ZNF230: variants seen among roughly 807,000 people sequenced by gnomAD.
ZNF230 encodes zinc finger protein 230, also known as zinc finger protein FDZF2.
ZNF230 carries 12 observed loss-of-function variants against 10.0 expected under a neutral mutation model. The observed-to-expected ratio is 1.20, with a 90% CI of 0.77 to 1.95. The LOEUF (loss-of-function observed/expected upper bound fraction) is 1.95. ZNF230 is among the 30% of genes most tolerant of loss of function. ZNF230 has a pLI of 0.00. For missense variants in ZNF230, 532 were observed against 565.8 expected, an observed-to-expected ratio of 0.94 and a Z score of 0.61; for synonymous variants, 174 against 193.6, an observed-to-expected ratio of 0.90 and a Z score of 0.84.
chr19:44,004,305 T>C (rs1427546689), intron 1 of ZNF230: 2 of 152,276 alleles, frequency 1.3e-5, no homozygotes, highest in Non-Finnish European at 2.9e-5. Context: ...AAGCTTCTAA[T>C]TGATTTCTTT....
chr19:44,005,077 G>C (rs1163617327), intron 1 of ZNF230, among the ~76,000 whole-genome samples: 3 of 149,192 alleles, frequency 2.0e-5, no homozygotes, highest in Non-Finnish European at 4.5e-5. Context: ...GAGCGAGATC[G>C]CGCCACTGCA....
intron 4 of ZNF230, 96 bp from the exon 5 acceptor site, chr19:44,010,173 T>C: frequency 8.6e-7 from 1 of 1,164,584 alleles, no homozygotes; most frequent in Non-Finnish European, 1.2e-6. Flanking sequence ...AACTGAACAT[T>C]CATTAAAGTT....
At chr19:44,010,243 C>T (rs1275783093) in intron 4 of ZNF230, 26 bp from the exon 5 acceptor site, 2 of 1,562,330 alleles carry the variant, frequency 1.3e-6, no homozygotes, top group Non-Finnish European at 1.7e-6. Flanking sequence ...CATTTGTCCA[C>T]ATCTCTTCAT....
In ZNF230 at chr19:44,010,749, C is replaced by T. The variant is rs201833405; in HGVS notation, c.710C>T (p.Ala237Val). Residue 237 changes from alanine (A) to valine (V), a missense_variant, in exon 5 of 5, where the codon GCG (alanine) becomes GTG (valine). Ala to Val is a moderately conservative substitution (Grantham distance 64). Transcript: ENST00000429154. ...EQCGKGFRCR[A>V]ILQVHCKLHT... ...TGTGGGAAAGGCTTCAGATGTAGAGCGATACTTCAAGTTCACTGCAAATTA... is the reference window on the plus strand; with the variant it reads ...TGTGGGAAAGGCTTCAGATGTAGAGTGATACTTCAAGTTCACTGCAAATTA... 1.3e-4 allele frequency: 206 copies of T among 1,613,978 alleles called. 1 individual carries two copies. Among genetic ancestry groups the T allele is most frequent in the South Asian group, 6.6e-5 (6 of 91,088 alleles).
rs1568498294 is a variant in ZNF230, at chr19:44,011,356, A to C, written c.1317A>C (p.Gln439His). ...LVHRSFCKDQ[Q>H]GDHNGENSSK... is the part of the protein sequence containing the mutation. ...ACCGGTCTTTCTGTAAAGACCAACA[A>C]GGAGACCACAATGGAGAAAACTCAT... Residue 439 changes from glutamine to histidine, a missense_variant, in exon 5 of 5, where the codon CAA becomes CAC. Gln to His is a conservative substitution (Grantham distance 24). Coordinates refer to ENST00000429154, the MANE Select transcript of ZNF230 (RefSeq NM_006300.4). 1.9e-6 allele frequency: 3 copies of C among 1,613,966 alleles called. No individual in the cohort carries two copies. In the Admixed American group the frequency reaches 5.0e-5, roughly 27 times the overall value.
intron 2 of ZNF230, 77 bp from the exon 3 acceptor site, chr19:44,008,713 C>T (rs11880006): frequency 2.0e-6 from 3 of 1,537,408 alleles, no homozygotes; most frequent in Non-Finnish European, 2.6e-6. Context: ...CACTTCTCCT[C>T]TCCGCCTGCT....
rs1599853073 is a variant in ZNF230, at chr19:44,010,850, C to G, written c.811C>G (p.Gln271Glu). Reference sequence around the variant, plus strand: ...TCACGATTTCCAGCTTCAGAAACATCAGATAATTCATACTGGGGAGAAGCC... The same window carrying G: ...TCACGATTTCCAGCTTCAGAAACATGAGATAATTCATACTGGGGAGAAGCC... ...FIHDFQLQKH[Q>E]IIHTGEKPFK... The change falls in exon 5 of 5, where the codon CAG becomes GAG. Residue 271 changes from glutamine to glutamate, a missense_variant. Transcript: ENST00000429154. The G allele has an allele frequency of 6.2e-7, 1 of 1,614,180 alleles. No homozygotes were observed. Among genetic ancestry groups the G allele is most frequent in the Non-Finnish European group, 8.5e-7 (1 of 1,180,028 alleles).
chr19:44,008,868 C>A lies in ZNF230; in HGVS notation c.94C>A (p.Leu32Met). ...LGLLDPAQRK[L>M]YQDVMLENFT... ...GCTACTGGACCCTGCCCAGAGGAAGCTGTACCAAGACGTGATGCTTGAGAA... is the reference window on the plus strand; with the variant it reads ...GCTACTGGACCCTGCCCAGAGGAAGATGTACCAAGACGTGATGCTTGAGAA... Residue 32 changes from leucine (L) to methionine (M), a missense_variant, in exon 3 of 5, where the codon CTG (leucine) becomes ATG (methionine). By Grantham distance (15) the Leu-to-Met change is conservative. Coordinates refer to ENST00000429154, the MANE Select transcript of ZNF230 (RefSeq NM_006300.4). 6.2e-7 allele frequency: 1 copy of A among 1,614,136 alleles called. No individual in the cohort carries two copies. The highest frequency in any genetic ancestry group is 8.5e-7 in the Non-Finnish European group (1 of 1,179,998).
At position 44,009,078 on chromosome 19, in the gene ZNF230, T is replaced by C. The variant is rs1976148314; in HGVS notation, c.143-6T>C. 1.9e-6 allele frequency: 3 copies of C among 1,614,038 alleles called. No homozygotes were observed. Among genetic ancestry groups the C allele is most frequent in the Middle Eastern group, 1.6e-4 (1 of 6,062 alleles). ...GTATTAAGCACATGACTTTGCATGT[T>C]CACAGGGCATCAACCATTCCACCCT... On this transcript the variant is annotated splice_polypyrimidine_tract_variant and splice_region_variant and intron_variant, in intron 3 of 4. Transcript: ENST00000429154.
In ZNF230 at chr19:44,012,031, A is replaced by G; in HGVS notation, c.*567A>G. ...AACTATTGTGAAGAATAGTGCTCCA[A>G]TGAACATGGTAGTGTAGATATCTGA... is the stretch of plus-strand genomic sequence containing the variant. On this transcript the variant is annotated 3_prime_UTR_variant, in exon 5 of 5. Coordinates refer to ENST00000429154, the MANE Select transcript of ZNF230 (RefSeq NM_006300.4). The G allele has an allele frequency of 5.0e-6, 1 of 199,992 alleles. No individual in the cohort carries two copies. The highest frequency in any genetic ancestry group is 8.4e-5 in the South Asian group (1 of 11,860). The allele number at this position is 199,992 out of a possible 1,614,324, so 12.4% of individuals were successfully genotyped here.
chr19:44,007,533 C>T (rs563587890), intron 2 of ZNF230, among the ~76,000 whole-genome samples: 3 of 152,240 alleles, frequency 2.0e-5, no homozygotes, highest in South Asian at 2.1e-4. Flanking sequence ...GCCCACATTG[C>T]GCATGTTGGC....
intron 1 of ZNF230, among the ~76,000 whole-genome samples, chr19:44,005,308 C>G (rs1976112994): frequency 6.6e-6 from 1 of 152,146 alleles, no homozygotes; most frequent in Non-Finnish European, 1.5e-5. Flanking sequence ...AGGAACATAA[C>G]TAACCAGAGA....
chr19:44,008,482 GCTGGGGCAA>G (rs1298809359), intron 2 of ZNF230, among the ~76,000 whole-genome samples: 1 of 152,210 alleles, frequency 6.6e-6, no homozygotes, highest in Non-Finnish European at 1.5e-5. Flanking sequence ...GCTCATTGTT[GCTGGGGCAA>G]CTGGGGCAAT....
chr19:44,009,049 A>G (rs757038469), intron 3 of ZNF230, 35 bp from the exon 4 acceptor site: 3 of 1,610,718 alleles, frequency 1.9e-6, no homozygotes, highest in South Asian at 2.2e-5. Context: ...CCTAGAATGA[A>G]TTGGTATTAA....
In ZNF230 at chr19:44,010,546, AT is replaced by A; in HGVS notation, c.508del (p.Cys170AlafsTer22). 1.2e-6 allele frequency: 2 copies of A among 1,614,246 alleles called. No individual in the cohort carries two copies. The highest frequency in any genetic ancestry group is 1.7e-6 in the Non-Finnish European group (2 of 1,180,040). The part of the protein sequence containing the change: ...QFHSGEKSHT[C>X]NECGKSFCYI... The stretch of plus-strand genomic sequence containing the variant: ...TCCACTCAGGAGAGAAGTCTCATAC[AT>A]GCAATGAGTGTGGAAAAAGCTTCTG... On this transcript the variant is annotated frameshift_variant, in exon 5 of 5. Coordinates refer to ENST00000429154, the MANE Select transcript of ZNF230 (RefSeq NM_006300.4). LOFTEE classifies it low-confidence loss of function (END_TRUNC).
chr19:44,012,517 G>T lies in ZNF230; in HGVS notation c.*1053G>T, dbSNP rs1165136632. The T allele has an allele frequency of 3.9e-6, 2 of 516,066 alleles. No homozygotes were observed. The highest frequency in any genetic ancestry group is 3.9e-5 in the African/African-American group (2 of 51,854). The allele number at this position is 516,066 out of a possible 1,614,324, so 32.0% of individuals were successfully genotyped here. ...GTAGAGAACTCTTGTAAATTGTGCA[G>T]TAGGGTTGCAAACAGAACTTACGCT... On this transcript the variant is annotated 3_prime_UTR_variant, in exon 5 of 5. Coordinates refer to ENST00000429154, the MANE Select transcript of ZNF230 (RefSeq NM_006300.4).
At chr19:44,008,978 G>A in intron 3 of ZNF230, 62 bp downstream of exon 3, 2 of 1,605,760 alleles carry the variant, frequency 1.2e-6, no homozygotes, top group South Asian at 1.1e-5. Flanking sequence ...GTATCCTAGA[G>A]TATTCAAGTT....
At chr19:44,004,249 G>GT (rs1976098682) in intron 1 of ZNF230, 4 of 152,188 alleles carry the variant, frequency 2.6e-5, no homozygotes, top group African/African-American at 4.8e-5. Context: ...AGTAGAAAAA[G>GT]TTTTTTAATT....
intron 2 of ZNF230, among the ~76,000 whole-genome samples, chr19:44,007,942 G>A (rs192198866): frequency 3.3e-5 from 5 of 152,320 alleles, no homozygotes; most frequent in Admixed American, 2.0e-4. Flanking sequence ...AGTCTACCAT[G>A]AGAGAGCACA....
Sources: gnomAD v4.1 joint callset for allele counts (sites outside exome capture counted in the v4.1 genomes callset) on GRCh38, gnomAD v4.1.1 for gene constraint, MANE v1.5 for transcripts, NCBI Gene and HGNC (gene_info 2026-07-23, HGNC 2026-07-21) for gene names.